EPG5: variants seen among roughly 807,000 people sequenced by gnomAD.
The protein encoded by EPG5 is ectopic P-granules 5 autophagy tethering factor.
In EPG5, 159 loss-of-function variants were observed where a neutral mutation model predicts 302.7. The ratio of observed to expected loss-of-function variants is 0.53; its 90% CI spans 0.46 to 0.60. The LOEUF is 0.60. Among genes scored for constraint, EPG5 ranks in the 20% least tolerant of loss-of-function variants. The pLI, the probability that EPG5 is intolerant of heterozygous loss-of-function variation, is 0.00. For synonymous variants in EPG5, 1,158 were observed against 1,136.8 expected (o/e 1.02, Z -0.37); for missense variants, 2,896 against 3,092.4 (o/e 0.94, Z 1.51).
At chr18:45,841,862 G>A in the EPG5 span, among the ~76,000 whole-genome samples, 1 of 152,176 alleles carries the variant, frequency 6.6e-6, no homozygotes, top group Non-Finnish European at 1.5e-5. Flanking sequence ...GGGACATGGA[G>A]CCAGTCTTGA....
chr18:45,937,273 CACACATAT>C (rs1568171278), intron 10 of EPG5, among the ~76,000 whole-genome samples: 6 of 145,722 alleles, frequency 4.1e-5, no homozygotes, highest in African/African-American at 1.6e-4. Flanking sequence ...CACACACACA[CACACATAT>C]GTATACACAC....
the EPG5 span, among the ~76,000 whole-genome samples, chr18:45,818,251 AT>A: frequency 8.9e-6 from 1 of 112,816 alleles, no homozygotes; most frequent in African/African-American, 3.8e-5. Flanking sequence ...TGTAAGGAAG[AT>A]TTTATTTTTT....
intron 24 of EPG5, among the ~76,000 whole-genome samples, chr18:45,904,950 A>C (rs1420570168): frequency 6.6e-6 from 1 of 152,180 alleles, no homozygotes; most frequent in Non-Finnish European, 1.5e-5. Flanking sequence ...TATAGATGAA[A>C]CTAGACACAT....
chr18:45,936,784 T>TTA (rs2050537288), intron 10 of EPG5, among the ~76,000 whole-genome samples: 1 of 135,050 alleles, frequency 7.4e-6, no homozygotes, highest in Admixed American at 7.5e-5. Flanking sequence ...GTTATTAAAT[T>TTA]AAAAAAAAAA....
rs1488431865 is a variant in EPG5 at position 45,878,373 on chromosome 18, T to G, written c.5942+3A>C. On this transcript the variant is annotated splice_donor_region_variant and intron_variant, in intron 34 of 43. Transcript: ENST00000282041. Reference sequence around the variant, plus strand: ...GAATTTGAATATCTAAAAAACTGTTTACCTTTCGTTGTCCTCTAAAACCAG... The same window carrying G: ...GAATTTGAATATCTAAAAAACTGTTGACCTTTCGTTGTCCTCTAAAACCAG... 1 of 1,594,362 alleles carries G rather than the reference T, an allele frequency of 6.3e-7. No homozygotes were observed. Among genetic ancestry groups the G allele is most frequent in the Non-Finnish European group, 8.6e-7 (1 of 1,162,878 alleles).
At chr18:45,842,349 T>C in the EPG5 span, 1 of 665,536 alleles carries the variant, frequency 1.5e-6, no homozygotes, top group Admixed American at 2.9e-5. Context: ...AGGAGGCTCA[T>C]CTGGCCTCCT....
At chr18:45,872,733 T>C (rs1393357546) in intron 35 of EPG5, among the ~76,000 whole-genome samples, 2 of 152,098 alleles carry the variant, frequency 1.3e-5, no homozygotes, top group Non-Finnish European at 2.9e-5. Context: ...CATCAACACA[T>C]TGTACCAGAC....
chr18:45,891,672 CA>C (rs1427817917), intron 27 of EPG5, among the ~76,000 whole-genome samples: 6 of 151,748 alleles, frequency 4.0e-5, no homozygotes, highest in Non-Finnish European at 8.8e-5. Context: ...AAAATCTTTA[CA>C]AAACTTCTTT....
At position 45,870,780 on chromosome 18, in the gene EPG5, G is replaced by T. The variant is rs375229258; in HGVS notation, c.6050-38C>A. On this transcript the variant is annotated intron_variant, in intron 35 of 43. Transcript: ENST00000282041. ...AAGAAAATAGAGCTGAAGACCTTTG[G>T]TTTACCTTAAAAAAAAAAAAAAAAA... The T allele has an allele frequency of 1.4e-4, 176 of 1,241,862 alleles. No homozygotes were observed. The African/African-American group carries it at 1.9e-3, about 13-fold the overall frequency. The allele number at this position is 1,241,862 out of a possible 1,614,324, so 76.9% of individuals were successfully genotyped here. A position where few individuals can be genotyped will look rare whatever the true frequency, so the allele number is the denominator to read the frequency against.
intron 16 of EPG5, 123 bp downstream of exon 16, chr18:45,922,218 T>G: frequency 1.7e-6 from 2 of 1,208,010 alleles, no homozygotes; most frequent in Non-Finnish European, 2.3e-6. Context: ...TCAAGGATTA[T>G]TATTTGGCCC....
At chr18:45,892,793 T>C (rs557290296) in intron 27 of EPG5, among the ~76,000 whole-genome samples, 1 of 152,334 alleles carries the variant, frequency 6.6e-6, no homozygotes, top group East Asian at 1.9e-4. Flanking sequence ...TTCCAGGACA[T>C]TCTTTCCCAG....
chr18:45,924,521 G>A (rs2050228533), intron 14 of EPG5, among the ~76,000 whole-genome samples: 1 of 152,206 alleles, frequency 6.6e-6, no homozygotes, highest in Admixed American at 6.5e-5. Context: ...CTGTCAGACA[G>A]GTGTAAAGGG....
chr18:45,908,177 A>C lies in EPG5; in HGVS notation c.4206-96T>G, dbSNP rs572063088. 59 of 980,654 alleles carry C rather than the reference A, an allele frequency of 6.0e-5. 1 individual carries two copies. In the South Asian group the frequency reaches 1.0e-3, roughly 17 times the overall value. The allele number at this position is 980,654 out of a possible 1,614,324, so 60.7% of individuals were successfully genotyped here. ...AGGAACACTGGCACCCCTACATAAGAGTAAAGAAAGCCCATAATACAGAAA... is the reference window on the plus strand; with the variant it reads ...AGGAACACTGGCACCCCTACATAAGCGTAAAGAAAGCCCATAATACAGAAA... On this transcript the variant is annotated intron_variant, in intron 23 of 43. Transcript: ENST00000282041.
At chr18:45,863,713 T>TA (rs1445666663) in intron 39 of EPG5, among the ~76,000 whole-genome samples, 3 of 152,220 alleles carry the variant, frequency 2.0e-5, no homozygotes, top group African/African-American at 7.2e-5. Flanking sequence ...TTGAAGTTGT[T>TA]ATCCCACTGT....
Position 45,944,978 on chromosome 18 carries a change from G to A in EPG5, c.1678-859C>T, listed in dbSNP as rs1018212537. On this transcript the variant is annotated intron_variant, in intron 7 of 43. Coordinates refer to ENST00000282041, the MANE Select transcript of EPG5 (RefSeq NM_020964.3). ...TAGGGGAAATCTTTGCGGTCTTTTC[G>A]TTTGACACAGAGCACTAAAGTCACC... Among the ~76,000 whole-genome samples the A allele has an allele frequency of 5.3e-5, 8 of 152,096 alleles. No individual in the cohort carries two copies. In the East Asian group the frequency reaches 1.5e-3, roughly 29 times the overall value.
the EPG5 span, among the ~76,000 whole-genome samples, chr18:45,823,912 A>G: frequency 1.7e-4 from 26 of 152,386 alleles, no homozygotes; most frequent in Middle Eastern, 3.4e-3. Context: ...GGTAAGAATC[A>G]CATGGCAACT....
chr18:45,809,898 C>CA, the EPG5 span, among the ~76,000 whole-genome samples: 1,376 of 151,322 alleles, frequency 9.1e-3, 14 homozygotes, highest in South Asian at 0.018. Flanking sequence ...GAAATTGAAA[C>CA]AAAAAAATAC....
chr18:45,900,027 G>A (rs1196710902), intron 26 of EPG5, among the ~76,000 whole-genome samples: 2 of 152,170 alleles, frequency 1.3e-5, no homozygotes, highest in Admixed American at 6.5e-5. Flanking sequence ...TTACATTAAT[G>A]GGCAGGTGCT....
chr18:45,899,558 G>A lies in EPG5; in HGVS notation c.4655C>T (p.Ala1552Val). 6.2e-7 allele frequency: 1 copy of A among 1,614,056 alleles called. No individual in the cohort carries two copies. The highest frequency in any genetic ancestry group is 8.5e-7 in the Non-Finnish European group (1 of 1,179,944). ...NLLQQQARTA[A>V]LRESQQVALD... ...AGCAACCTGCTGAGATTCCCGAAGA[G>A]CTGCGGTTCTGAAAAACATCATCAG... The change falls in exon 27 of 44, where the codon GCT becomes GTT. Residue 1552 changes from alanine to valine, a missense_variant. Physicochemically the swap from Ala to Val is moderately conservative, Grantham distance 64. This residue lies in a region of EPG5 where 790 missense variants were observed against 798.0 expected (regional missense o/e 0.99). Transcript: ENST00000282041.
Sources: gnomAD v4.1 joint callset for allele counts (sites outside exome capture counted in the v4.1 genomes callset) on GRCh38, gnomAD v4.1.1 for gene constraint, gnomAD v4.1.1 regional missense constraint, MANE v1.5 for transcripts, NCBI Gene and HGNC (gene_info 2026-07-23, HGNC 2026-07-21) for gene names.